Variants in CCDC77 observed in about 807,000 individuals in gnomAD.
The protein encoded by CCDC77 is coiled-coil domain containing 77, also known as coiled-coil domain-containing protein 77.
In CCDC77, 56 loss-of-function variants were observed where a neutral mutation model predicts 66.8. The observed-to-expected ratio is 0.84, with a 90% CI of 0.68 to 1.05. The LOEUF (loss-of-function observed/expected upper bound fraction) is 1.05, where lower values mean the gene tolerates loss of function less well. Among genes scored for constraint, CCDC77 ranks in the 50% least tolerant of loss-of-function variants. CCDC77 has a pLI of 0.00. For synonymous variants in CCDC77, 196 were observed against 195.2 expected, an observed-to-expected ratio of 1.00 and a Z score of -0.03; for missense variants, 570 against 576.8, an observed-to-expected ratio of 0.99 and a Z score of 0.12.
At chr12:423,944 A>G (rs925477423) in intron 5 of CCDC77, among the ~76,000 whole-genome samples, 6 of 152,030 alleles carry the variant, frequency 3.9e-5, no homozygotes, top group Admixed American at 2.6e-4. Context: ...TATTTTGCCC[A>G]TTTTAATAAT....
intron 4 of CCDC77, among the ~76,000 whole-genome samples, chr12:413,626 A>ATT (rs573170612): frequency 2.9e-4 from 34 of 115,502 alleles, no homozygotes; most frequent in African/African-American, 5.3e-4. Context: ...ACTGAATGGG[A>ATT]TTTTTTTTTT....
At position 440,485 on chromosome 12, in the gene CCDC77, G is replaced by A. The variant is rs937200167; in HGVS notation, c.1042-132G>A. ...TTTCAGATGTTCCTCAAAGTTCCTT[G>A]TCATCTGGTTCCTTAACTCATTTTG... On this transcript the variant is annotated intron_variant, in intron 10 of 12. Coordinates refer to ENST00000239830, the MANE Select transcript of CCDC77 (RefSeq NM_032358.4). 56 of 976,684 alleles carry A rather than the reference G, an allele frequency of 5.7e-5. No homozygotes were observed. In the Admixed American group the frequency reaches 1.3e-3, roughly 22 times the overall value. The allele number at this position is 976,684 out of a possible 1,614,324, so 60.5% of individuals were successfully genotyped here. A position where few individuals can be genotyped will look rare whatever the true frequency, so the allele number is the denominator to read the frequency against.
intron 2 of CCDC77, among the ~76,000 whole-genome samples, chr12:409,031 C>A (rs576785364): frequency 6.6e-6 from 1 of 152,052 alleles, no homozygotes; most frequent in Admixed American, 6.6e-5. Context: ...TGGTGAAACC[C>A]TGTCTCTACT....
At chr12:401,030 C>T (rs1944887237), upstream of CCDC77, among the ~76,000 whole-genome samples, 1 of 152,176 alleles carries the variant, frequency 6.6e-6, no homozygotes, top group African/African-American at 2.4e-5. Flanking sequence ...GTGCTTTTCC[C>T]CCACCTTTAC....
intron 5 of CCDC77, among the ~76,000 whole-genome samples, chr12:424,151 G>A (rs1225052938): frequency 6.6e-6 from 1 of 150,892 alleles, no homozygotes; most frequent in Non-Finnish European, 1.5e-5. Context: ...TTGTATTTTT[G>A]GTAGAGTCAG....
At position 395,452 on chromosome 12, in the gene CCDC77, A is replaced by G. The variant is rs377487746; in HGVS notation, c.-113+5966A>G. 6.2e-4 allele frequency among the ~76,000 whole-genome samples: 95 copies of G among 152,302 alleles called. 1 individual carries two copies. The South Asian group carries it at 8.3e-3, about 13-fold the overall frequency. On this transcript the variant is annotated intron_variant, in intron 1 of 11. Transcript: ENST00000422000. ...TAAAAGGACAAATTGCTAAATGAAT[A>G]TCCAATCAGGAGGGATTACAGCTAG...
At chr12:413,699 C>T (rs531593540) in intron 4 of CCDC77, among the ~76,000 whole-genome samples, 5 of 149,806 alleles carry the variant, frequency 3.3e-5, no homozygotes, top group African/African-American at 1.2e-4. Context: ...GCAACCTCAG[C>T]TCACTGCAAG....
chr12:409,162 A>G lies in CCDC77; in HGVS notation c.-16-206A>G, dbSNP rs898638329. Among the ~76,000 whole-genome samples, 755 of 149,734 alleles carry G rather than the reference A, an allele frequency of 5.0e-3. 14 individuals are homozygous for G. The highest frequency in any genetic ancestry group is 0.017 in the African/African-American group (697 of 40,034). On this transcript the variant is annotated intron_variant, in intron 2 of 12. Coordinates refer to ENST00000239830, the MANE Select transcript of CCDC77 (RefSeq NM_032358.4). The stretch of plus-strand genomic sequence containing the variant: ...AGAGGTTGCAGTGAGCCGAGATCAC[A>G]CCACTGCACTCCAGCTCCAGCCTGG...
intron 4 of CCDC77, 91 bp downstream of exon 4, chr12:412,069 T>C (rs1945123022): frequency 1.7e-5 from 16 of 953,752 alleles, no homozygotes; most frequent in Non-Finnish European, 2.5e-5. Context: ...CAGAAGCAGA[T>C]GTTTTATAAA....
At chr12:435,361 T>C (rs923389025) in intron 9 of CCDC77, among the ~76,000 whole-genome samples, 6 of 152,226 alleles carry the variant, frequency 3.9e-5, no homozygotes, top group Admixed American at 1.3e-4. Context: ...TACTTCTTTC[T>C]GTGTTTCATC....
At chr12:396,569 A>G (rs1275814916) in intron 1 of CCDC77, among the ~76,000 whole-genome samples, 1 of 152,158 alleles carries the variant, frequency 6.6e-6, no homozygotes, top group Non-Finnish European at 1.5e-5. Flanking sequence ...GTACCCAGGA[A>G]TTGCCTGGCA....
intron 5 of CCDC77, 69 bp downstream of exon 5, chr12:418,705 T>G: frequency 6.6e-7 from 1 of 1,518,192 alleles, no homozygotes; most frequent in African/African-American, 1.4e-5. Flanking sequence ...ATTCATTCAT[T>G]CATTCATTGA....
intron 7 of CCDC77, among the ~76,000 whole-genome samples, chr12:431,072 A>AG (rs996893208): frequency 6.6e-6 from 1 of 150,596 alleles, no homozygotes; most frequent in African/African-American, 2.5e-5. Context: ...TCTCCAAAAA[A>AG]AAAAAAAAAA....
chr12:405,435 C>T (rs1240286420), intron 1 of CCDC77, 76 bp from the exon 2 acceptor site: 1 of 152,190 alleles, frequency 6.6e-6, no homozygotes, highest in Non-Finnish European at 1.5e-5. Flanking sequence ...ACACAAATTA[C>T]ATTCCATAAA....
At chr12:435,233 G>A (rs1387449853) in intron 9 of CCDC77, among the ~76,000 whole-genome samples, 1 of 150,410 alleles carries the variant, frequency 6.6e-6, no homozygotes, top group African/African-American at 2.5e-5. Flanking sequence ...GGTATCACAT[G>A]TATTCCGTTT....
intron 4 of CCDC77, among the ~76,000 whole-genome samples, chr12:416,067 A>G: frequency 6.6e-6 from 1 of 151,678 alleles, no homozygotes; most frequent in East Asian, 1.9e-4. Flanking sequence ...CGGCCTCCCA[A>G]GGTGCTGAGA....
chr12:398,064 A>G (rs1051021787), upstream of CCDC77, among the ~76,000 whole-genome samples: 1 of 152,180 alleles, frequency 6.6e-6, no homozygotes, highest in African/African-American at 2.4e-5. Context: ...GCTGATTGCT[A>G]AAGGCTGGGG....
At chr12:404,809 G>A (rs113564625) in intron 1 of CCDC77, among the ~76,000 whole-genome samples, 35 of 147,494 alleles carry the variant, frequency 2.4e-4, no homozygotes, top group African/African-American at 6.3e-4. Flanking sequence ...CACAACCTCC[G>A]CCTCCCAGGT....
In CCDC77 at chr12:429,342, A is replaced by G. The variant is rs188022509; in HGVS notation, c.510+477A>G. Among the ~76,000 whole-genome samples the G allele has an allele frequency of 9.9e-5, 15 of 152,232 alleles. 1 individual carries two copies. In the East Asian group the frequency reaches 2.7e-3, roughly 27 times the overall value. On this transcript the variant is annotated intron_variant, in intron 6 of 12. Coordinates refer to ENST00000239830, the MANE Select transcript of CCDC77 (RefSeq NM_032358.4). ...CATCTCTTTCTTCATTCCTATAGAA[A>G]TAGTTATGTGTCTGTGTATACTATT...
Sources: allele counts gnomAD v4.1 joint callset (sites outside exome capture counted in the v4.1 genomes callset), GRCh38; gene constraint gnomAD v4.1.1; transcripts MANE v1.5; gene names NCBI Gene and HGNC (gene_info 2026-07-23, HGNC 2026-07-21).